ENOX1: variants seen among roughly 807,000 people sequenced by gnomAD.
ENOX1 encodes the protein ecto-NOX disulfide-thiol exchanger 1, also known as candidate growth-related and time keeping constitutive hydroquinone (NADH) oxidase.
ENOX1 carries 42 observed loss-of-function variants against 82.5 expected under a neutral mutation model. The observed-to-expected ratio is 0.51, with a 90% confidence interval of 0.40 to 0.66. ENOX1 has a LOEUF of 0.66. Ranked by LOEUF, ENOX1 falls within the 30% of genes least tolerant of loss-of-function variation. ENOX1 has a pLI of 0.00. For missense variants in ENOX1, 608 were observed against 811.6 expected (o/e 0.75, Z 3.05); for synonymous variants, 271 against 282.2 (o/e 0.96, Z 0.40).
chr13:43,709,448 G>A (rs554934354), intron 1 of ENOX1, among the ~76,000 whole-genome samples: 3 of 152,030 alleles, frequency 2.0e-5, no homozygotes, highest in Non-Finnish European at 4.4e-5. Context: ...CATTTTTAAC[G>A]AAACAAGAAA....
At chr13:43,503,942 A>G (rs1479997895) in intron 2 of ENOX1, among the ~76,000 whole-genome samples, 1 of 151,758 alleles carries the variant, frequency 6.6e-6, no homozygotes, top group African/African-American at 2.4e-5. Context: ...AAAATGGGGG[A>G]AAATAATTTA....
At chr13:43,585,186 T>C in intron 2 of ENOX1, among the ~76,000 whole-genome samples, 1 of 152,140 alleles carries the variant, frequency 6.6e-6, no homozygotes, top group South Asian at 2.1e-4. Context: ...GAGAAAGACT[T>C]GACTGGCAAT....
intron 5 of ENOX1, among the ~76,000 whole-genome samples, chr13:43,379,388 AC>A (rs1176428204): frequency 6.6e-6 from 1 of 152,162 alleles, no homozygotes; most frequent in Admixed American, 6.5e-5. Context: ...GAATTCGTAG[AC>A]AAAAATATTA....
intron 1 of ENOX1, among the ~76,000 whole-genome samples, chr13:43,691,858 G>A (rs546003172): frequency 1.4e-4 from 21 of 151,980 alleles, no homozygotes; most frequent in Non-Finnish European, 2.4e-4. Flanking sequence ...GTGCCACCAC[G>A]CCTGGCTAAT....
intron 3 of ENOX1, among the ~76,000 whole-genome samples, chr13:43,460,399 C>T (rs549357886): frequency 6.6e-6 from 1 of 152,050 alleles, no homozygotes; most frequent in African/African-American, 2.4e-5. Flanking sequence ...TATCCAAAAC[C>T]ACCTCTGTGG....
intron 2 of ENOX1, among the ~76,000 whole-genome samples, chr13:43,550,024 C>T (rs2079124446): frequency 6.6e-6 from 1 of 152,172 alleles, no homozygotes; most frequent in South Asian, 2.1e-4. Flanking sequence ...GATCATAAGG[C>T]ATCAGAATCT....
At chr13:43,714,269 G>C (rs2087948480) in intron 1 of ENOX1, among the ~76,000 whole-genome samples, 1 of 152,144 alleles carries the variant, frequency 6.6e-6, no homozygotes, top group Admixed American at 6.5e-5. Context: ...TTGCACTGTG[G>C]TCTGAGAGAT....
At chr13:43,415,653 A>G (rs2054426243) in intron 3 of ENOX1, among the ~76,000 whole-genome samples, 1 of 124,792 alleles carries the variant, frequency 8.0e-6, no homozygotes, top group South Asian at 2.3e-4. Flanking sequence ...TTCTTTCTAC[A>G]CAGACATAGT....
At chr13:43,643,662 T>TAC (rs758982762) in intron 2 of ENOX1, among the ~76,000 whole-genome samples, 27 of 151,770 alleles carry the variant, frequency 1.8e-4, no homozygotes, top group Admixed American at 5.3e-4. Flanking sequence ...CACACATATA[T>TAC]ATATACATGC....
intron 10 of ENOX1, among the ~76,000 whole-genome samples, chr13:43,325,628 C>T (rs553197676): frequency 6.6e-6 from 1 of 152,174 alleles, no homozygotes; most frequent in South Asian, 2.1e-4. Context: ...AGGGGAATGT[C>T]ATTTAGAGAA....
intron 3 of ENOX1, among the ~76,000 whole-genome samples, chr13:43,423,201 C>T (rs2055078233): frequency 6.6e-6 from 1 of 152,160 alleles, no homozygotes; most frequent in East Asian, 1.9e-4. Context: ...TCAACTCCTT[C>T]CCCTCATTCA....
chr13:43,650,971 G>C (rs887324878), intron 2 of ENOX1, among the ~76,000 whole-genome samples: 10 of 152,142 alleles, frequency 6.6e-5, no homozygotes, highest in African/African-American at 2.4e-4. Flanking sequence ...TAAGCTATAA[G>C]AGAGATCAGT....
intron 14 of ENOX1, among the ~76,000 whole-genome samples, chr13:43,247,864 TATATATATATA>T (rs2043200479): frequency 1.8e-3 from 4 of 2,262 alleles, no homozygotes; most frequent in Non-Finnish European, 2.7e-3. Flanking sequence ...TATATATATA[TATATATATATA>T]TATATATATT....
At chr13:43,589,926 T>C (rs2081169623) in intron 2 of ENOX1, among the ~76,000 whole-genome samples, 1 of 146,806 alleles carries the variant, frequency 6.8e-6, no homozygotes, top group Non-Finnish European at 1.5e-5. Flanking sequence ...ATCCTTAATA[T>C]ACATCCCTCA....
chr13:43,578,487 T>C (rs370995020), intron 2 of ENOX1, among the ~76,000 whole-genome samples: 54 of 152,324 alleles, frequency 3.5e-4, no homozygotes, highest in East Asian at 2.1e-3. Flanking sequence ...ATATACTTAA[T>C]GACAAAATTT....
At chr13:43,592,252 G>C (rs1035513802) in intron 2 of ENOX1, among the ~76,000 whole-genome samples, 1 of 152,162 alleles carries the variant, frequency 6.6e-6, no homozygotes, top group Non-Finnish European at 1.5e-5. Flanking sequence ...CTGAATTTAA[G>C]AATTGTGTTA....
intron 3 of ENOX1, among the ~76,000 whole-genome samples, chr13:43,454,059 T>C (rs1410153529): frequency 1.3e-5 from 2 of 152,132 alleles, no homozygotes; most frequent in Admixed American, 6.6e-5. Context: ...TTATTTGGGG[T>C]GTGGGAGCAT....
intron 3 of ENOX1, among the ~76,000 whole-genome samples, chr13:43,467,544 T>C (rs1248914514): frequency 8.8e-6 from 1 of 113,670 alleles, no homozygotes; most frequent in African/African-American, 3.5e-5. Context: ...AAAATTTCTT[T>C]ATATATCTGG....
intron 2 of ENOX1, among the ~76,000 whole-genome samples, chr13:43,604,365 A>T (rs1465762011): frequency 2.0e-5 from 3 of 152,188 alleles, no homozygotes; most frequent in Non-Finnish European, 2.9e-5. Flanking sequence ...GTATTGAAAC[A>T]AATAATAAAA....
Sources: gnomAD v4.1 joint callset for allele counts (sites outside exome capture counted in the v4.1 genomes callset) on GRCh38, gnomAD v4.1.1 for gene constraint, MANE v1.5 for transcripts, NCBI Gene and HGNC (gene_info 2026-07-23, HGNC 2026-07-21) for gene names.